The following XRN1 variants were observed in gnomAD, a reference collection of about 807,000 sequenced individuals.
XRN1 encodes the protein 5'-3' exoribonuclease 1, also known as strand-exchange protein 1 homolog.
XRN1 carries 67 observed loss-of-function variants against 222.3 expected under a neutral mutation model. The observed-to-expected ratio is 0.30, with a 90% CI of 0.25 to 0.37. XRN1 has a LOEUF of 0.37. XRN1 is among the 10% of genes least tolerant of loss of function. The pLI is 1.00. For missense variants in XRN1, 1,707 were observed against 2,000.2 expected (o/e 0.85, Z 2.80); for synonymous variants, 643 against 652.4 (o/e 0.99, Z 0.22).
In XRN1 at chr3:142,329,487, A is replaced by C; in HGVS notation, c.4351T>G (p.Cys1451Gly). ...STPVTELSRICSLVGMPQPDF... is the reference protein window; with the variant it reads ...STPVTELSRIGSLVGMPQPDF... ...GGTTGTGGCATTCCAACAAGGGAAC[A>C]AATTCGAGAAAGTTCAGTTACTGGT... The change falls in exon 37 of 41, where the codon TGT becomes GGT. Residue 1451 changes from cysteine to glycine, a missense_variant. Transcript: ENST00000392981. The C allele has an allele frequency of 6.3e-7, 1 of 1,595,894 alleles. No individual in the cohort carries two copies. Among genetic ancestry groups the C allele is most frequent in the Non-Finnish European group, 8.5e-7 (1 of 1,173,498 alleles).
intron 33 of XRN1, among the ~76,000 whole-genome samples, chr3:142,340,092 A>G (rs747564640): frequency 1.3e-5 from 2 of 152,204 alleles, no homozygotes; most frequent in Admixed American, 6.5e-5. Flanking sequence ...GCAGTGGCTC[A>G]TGCCTGTAAT....
chr3:142,320,267 G>A (rs551131459), intron 37 of XRN1, among the ~76,000 whole-genome samples: 5 of 152,002 alleles, frequency 3.3e-5, no homozygotes, highest in South Asian at 4.2e-4. Flanking sequence ...TAGCCATTCC[G>A]CCTGGTATGA....
intron 1 of XRN1, among the ~76,000 whole-genome samples, chr3:142,444,406 T>C (rs1470570755): frequency 6.6e-6 from 1 of 151,754 alleles, no homozygotes; most frequent in African/African-American, 2.4e-5. Context: ...CCACCAGGAG[T>C]TGGAGAAGAG....
At chr3:142,397,275 T>C (rs2067965626) in intron 20 of XRN1, 54 bp downstream of exon 20, 1 of 1,471,978 alleles carries the variant, frequency 6.8e-7, no homozygotes, top group East Asian at 2.4e-5. Flanking sequence ...AGAGAATGAG[T>C]ACATTAAAAC....
At position 142,403,727 on chromosome 3, in the gene XRN1, G is replaced by A; in HGVS notation, c.2050C>T (p.Arg684Cys). Reference protein sequence around the residue: ...SGVQVFQQSSRGENMMLEILV... With the variant: ...SGVQVFQQSSCGENMMLEILV... ...ATTTCCAACATCATGTTTTCTCCACGACTGCTTTGCTGGAATACTTGAACA... is the reference window on the plus strand; with the variant it reads ...ATTTCCAACATCATGTTTTCTCCACAACTGCTTTGCTGGAATACTTGAACA... The change falls in exon 18 of 41, where the codon CGT becomes TGT. Residue 684 changes from arginine (R) to cysteine (C), a missense_variant. By Grantham distance (180) the Arg-to-Cys change is radical (BLOSUM62 -3). Around this residue, in one of 2 missense-constraint regions of XRN1, gnomAD observed 1,234 missense variants for 1,518.2 expected, o/e 0.81. Coordinates refer to ENST00000392981, the MANE Select transcript of XRN1 (RefSeq NM_001282857.2). The A allele has an allele frequency of 6.2e-7, 1 of 1,613,012 alleles. No homozygotes were observed. The highest frequency in any genetic ancestry group is 8.5e-7 in the Non-Finnish European group (1 of 1,179,518).
intron 39 of XRN1, among the ~76,000 whole-genome samples, chr3:142,317,870 C>T (rs2107862491): frequency 6.6e-6 from 1 of 152,276 alleles, no homozygotes; most frequent in Admixed American, 6.5e-5. Flanking sequence ...AAAATGGTTA[C>T]TTCTGCAGTT....
chr3:142,316,657 C>G (rs2065218425), intron 39 of XRN1, among the ~76,000 whole-genome samples: 1 of 152,168 alleles, frequency 6.6e-6, no homozygotes, highest in Non-Finnish European at 1.5e-5. Flanking sequence ...CAGCTGGCAT[C>G]CTGGGATTTC....
In XRN1 at chr3:142,309,966, C is replaced by T. The variant is rs1027092517; in HGVS notation, c.*1545G>A. On this transcript the variant is annotated 3_prime_UTR_variant, in exon 41 of 41. Transcript: ENST00000392981. ...ACAGATAAAGAAACAATGTTGGGAACTGATAAACATCTGAACTTATGAAAA... is the reference window on the plus strand; with the variant it reads ...ACAGATAAAGAAACAATGTTGGGAATTGATAAACATCTGAACTTATGAAAA... The T allele has an allele frequency of 6.6e-6, 1 of 152,556 alleles. No homozygotes were observed. 9.5% of individuals were successfully genotyped at this position (152,556 alleles called of 1,614,324 possible). A position where few individuals can be genotyped will look rare whatever the true frequency, so the allele number is the denominator to read the frequency against.
chr3:142,414,115 C>T lies in XRN1; in HGVS notation c.1593+20G>A, dbSNP rs201972514. The T allele has an allele frequency of 7.0e-6, 11 of 1,579,948 alleles. No homozygotes were observed. In the African/African-American group the frequency reaches 8.2e-5, roughly 12 times the overall value. ...CTAAATATCAAAAAGGACATAAAAA[C>T]ATTCAATTCTAAGACCCACCTGGTA... On this transcript the variant is annotated intron_variant, in intron 14 of 40. Coordinates refer to ENST00000392981, the MANE Select transcript of XRN1 (RefSeq NM_001282857.2).
intron 26 of XRN1, 103 bp downstream of exon 26, chr3:142,371,113 GAGTAAGAACCTGTCTCAAAAAAA>G (rs2066977614): frequency 1.3e-6 from 1 of 776,530 alleles, no homozygotes; most frequent in African/African-American, 1.8e-5. Context: ...TCGGGCAAGA[GAGTAAGAACCTGTCTCAAAAAAA>G]AAAAAAAAAA....
chr3:142,332,812 T>C, intron 35 of XRN1, 155 bp downstream of exon 35: 1 of 1,162,082 alleles, frequency 8.6e-7, no homozygotes, highest in Non-Finnish European at 1.2e-6. Context: ...TATGGCTAAA[T>C]TGCCCAGGGC....
rs1368138942 is a variant in XRN1 at position 142,392,885 on chromosome 3, C to T, written c.2339+4444G>A. On this transcript the variant is annotated intron_variant, in intron 20 of 40. Coordinates refer to ENST00000392981, the MANE Select transcript of XRN1 (RefSeq NM_001282857.2). ...AAATGGTATTTCCAGTTCTAGATCC[C>T]TGAGGAATTGCCACACTGACTTCCA... Among the ~76,000 whole-genome samples the T allele has an allele frequency of 3.3e-5, 5 of 150,738 alleles. No individual in the cohort carries two copies. The East Asian group carries it at 9.7e-4, about 29-fold the overall frequency.
intron 23 of XRN1, among the ~76,000 whole-genome samples, chr3:142,378,216 T>C (rs1200564041): frequency 6.6e-6 from 1 of 152,210 alleles, no homozygotes; most frequent in Non-Finnish European, 1.5e-5. Context: ...CTGGAAATTT[T>C]TGGTGAGAAA....
intron 18 of XRN1, among the ~76,000 whole-genome samples, chr3:142,401,558 C>CA (rs967651656): frequency 1.7e-4 from 25 of 148,274 alleles, no homozygotes; most frequent in South Asian, 4.2e-4. Context: ...ACTAAAAATA[C>CA]AAAAAAAAAA....
At chr3:142,414,013 G>T in intron 14 of XRN1, 122 bp downstream of exon 14, 1 of 1,027,576 alleles carries the variant, frequency 9.7e-7, no homozygotes, top group Non-Finnish European at 1.4e-6. Context: ...AAAATACTAT[G>T]GTTTAAAACT....
At chr3:142,380,293 C>A in intron 22 of XRN1, 113 bp from the exon 23 acceptor site, 1 of 880,152 alleles carries the variant, frequency 1.1e-6, no homozygotes, top group Non-Finnish European at 1.7e-6. Context: ...AGTGGAAATT[C>A]TCTTGAAATT....
intron 1 of XRN1, among the ~76,000 whole-genome samples, chr3:142,437,191 GA>G (rs1167676144): frequency 3.3e-5 from 5 of 152,188 alleles, no homozygotes; most frequent in African/African-American, 1.2e-4. Flanking sequence ...TGGCAAGTTA[GA>G]AATTTCAAGG....
chr3:142,312,775 A>G lies in XRN1; in HGVS notation c.4622-17T>C. 1 of 1,577,190 alleles carries G rather than the reference A, an allele frequency of 6.3e-7. No individual in the cohort carries two copies. The highest frequency in any genetic ancestry group is 8.6e-7 in the Non-Finnish European group (1 of 1,160,628). ...TTATATTAGCTGTTAAAAACCAAGG[A>G]AAATTTTTCTTTTAGTAAAATGGTA... On this transcript the variant is annotated splice_polypyrimidine_tract_variant and intron_variant, in intron 39 of 40. Coordinates refer to ENST00000392981, the MANE Select transcript of XRN1 (RefSeq NM_001282857.2).
At chr3:142,419,937 T>A (rs375829545) in intron 10 of XRN1, among the ~76,000 whole-genome samples, 1 of 152,164 alleles carries the variant, frequency 6.6e-6, no homozygotes, top group East Asian at 1.9e-4. Flanking sequence ...CTCTGCAGGG[T>A]ACTATCATAT....
Sources: gnomAD v4.1 joint callset for allele counts (sites outside exome capture counted in the v4.1 genomes callset) on GRCh38, gnomAD v4.1.1 for gene constraint, gnomAD v4.1.1 regional missense constraint, MANE v1.5 for transcripts, NCBI Gene and HGNC (gene_info 2026-07-23, HGNC 2026-07-21) for gene names.